ZNF787: variants seen among roughly 807,000 people sequenced by gnomAD.
ZNF787 encodes the protein TTF-I-interacting peptide 20.
Under a neutral mutation model 16.9 loss-of-function variants are expected in ZNF787, and 7 were observed. That is an observed-to-expected ratio of 0.42 (90% confidence interval 0.24 to 0.78). The LOEUF (loss-of-function observed/expected upper bound fraction) is 0.78, where lower values mean the gene tolerates loss of function less well. ZNF787 is among the 30% of genes least tolerant of loss of function. The pLI, the probability that ZNF787 is intolerant of heterozygous loss-of-function variation, is 0.30. For synonymous variants in ZNF787, 345 were observed against 270.9 expected, an observed-to-expected ratio of 1.27 and a Z score of -2.69; for missense variants, 551 against 589.3, an observed-to-expected ratio of 0.94 and a Z score of 0.67.
In ZNF787 at chr19:56,088,119, T is replaced by A. The variant is rs1348571308; in HGVS notation, c.1053A>T (p.Gly351=). The A allele has an allele frequency of 1.3e-6, 2 of 1,543,094 alleles. No individual in the cohort carries two copies. The highest frequency in any genetic ancestry group is 3.7e-5 in the Admixed American group (2 of 53,814). The change falls in exon 3 of 3, where the codon GGA becomes GGT. Residue 351 remains glycine, a synonymous_variant. Transcript: ENST00000610935. The surrounding 1 kb of genome is among the most constrained non-coding windows in gnomAD (Gnocchi z 8.6). ...VGAPSVCSSC[G]QSYYRAGGEE... ...CCCCGCCCGCGCGGTAGTAGCTCTG[T>A]CCGCAGCTGCTGCAGACCGAGGGCG...
At chr19:56,098,423 A>G (rs582271) in intron 2 of ZNF787, among the ~76,000 whole-genome samples, 141,650 of 151,950 alleles carry the variant, frequency 0.93, 66,636 homozygotes, top group Non-Finnish European at 0.99. Context: ...GGGTGATGCC[A>G]CCCAGGTAAT....
chr19:56,100,932 G>A (rs1395816040), intron 2 of ZNF787, among the ~76,000 whole-genome samples: 3 of 48,802 alleles, frequency 6.1e-5, no homozygotes, highest in South Asian at 1.6e-3. Flanking sequence ...CCACCCCCAC[G>A]AACGATGTCT....
At chr19:56,102,979 A>G in intron 2 of ZNF787, 160 bp downstream of exon 2, 1 of 753,282 alleles carries the variant, frequency 1.3e-6, no homozygotes, top group Non-Finnish European at 2.3e-6. Context: ...TACAGCCAGG[A>G]GTGCAAGGCC....
At chr19:56,104,684 G>A (rs906786369) in intron 1 of ZNF787, among the ~76,000 whole-genome samples, 3 of 151,978 alleles carry the variant, frequency 2.0e-5, no homozygotes, top group African/African-American at 7.2e-5. Context: ...AAGTCTCTAC[G>A]CACACCAACA....
Position 56,113,706 on chromosome 19 carries a change from C to G in ZNF787, c.-11+7466G>C, listed in dbSNP as rs11879543. On this transcript the variant is annotated intron_variant, in intron 1 of 2. Transcript: ENST00000610935. The stretch of plus-strand genomic sequence containing the variant: ...ACCGGGACGCAGGGAGGCAGGGAGG[C>G]AGGGAGGGAGGGACTGCTGAAGATG... Among the ~76,000 whole-genome samples, 414 of 101,038 alleles carry G rather than the reference C, an allele frequency of 4.1e-3. 1 individual carries two copies. Among genetic ancestry groups the G allele is most frequent in the African/African-American group, 0.012 (355 of 29,344 alleles). The allele number at this position is 101,038 out of a possible 152,430, so 66.3% of individuals were successfully genotyped here. A position where few individuals can be genotyped will look rare whatever the true frequency, so the allele number is the denominator to read the frequency against.
intron 1 of ZNF787, among the ~76,000 whole-genome samples, chr19:56,105,927 C>T (rs1376827522): frequency 6.8e-6 from 1 of 147,342 alleles, no homozygotes; most frequent in East Asian, 2.0e-4. Flanking sequence ...GCCCTCCGCG[C>T]CCACGGCAGT....
At chr19:56,093,744 G>A (rs1043097092) in intron 2 of ZNF787, among the ~76,000 whole-genome samples, 4 of 152,168 alleles carry the variant, frequency 2.6e-5, no homozygotes, top group African/African-American at 9.7e-5. Flanking sequence ...GGCATAAAGT[G>A]CTAAGTCCGA....
intron 1 of ZNF787, among the ~76,000 whole-genome samples, chr19:56,106,571 C>T (rs1207941280): frequency 2.6e-5 from 4 of 152,248 alleles, no homozygotes; most frequent in African/African-American, 9.6e-5. Context: ...ATGCTCCGGC[C>T]GTCTGGCCCC....
At chr19:56,114,385 G>A (rs1374958640) in intron 1 of ZNF787, among the ~76,000 whole-genome samples, 1 of 126,464 alleles carries the variant, frequency 7.9e-6, no homozygotes, top group African/African-American at 3.4e-5. Flanking sequence ...CTCTCTGAGG[G>A]GCCGGGCTCA....
intron 2 of ZNF787, among the ~76,000 whole-genome samples, chr19:56,090,474 A>G (rs1434655022): frequency 6.6e-6 from 1 of 152,160 alleles, no homozygotes; most frequent in Non-Finnish European, 1.5e-5. Flanking sequence ...GGAGTGCTCC[A>G]CAAAGTGGGA....
At chr19:56,120,307 G>A (rs2030251588) in intron 1 of ZNF787, among the ~76,000 whole-genome samples, 1 of 152,190 alleles carries the variant, frequency 6.6e-6, no homozygotes, top group African/African-American at 2.4e-5. Flanking sequence ...CACATGAATT[G>A]GGGTCAGCTC....
At chr19:56,101,680 G>A (rs1295353123) in intron 2 of ZNF787, 1 of 152,072 alleles carries the variant, frequency 6.6e-6, no homozygotes, top group Non-Finnish European at 1.5e-5. Flanking sequence ...AGAATTTACA[G>A]ACAAAATGAT....
At chr19:56,100,823 C>T (rs1331121248) in intron 2 of ZNF787, among the ~76,000 whole-genome samples, 1 of 150,374 alleles carries the variant, frequency 6.7e-6, no homozygotes, top group Non-Finnish European at 1.5e-5. Flanking sequence ...GGCCAACCCC[C>T]GCCACTCCAC....
chr19:56,103,732 C>A (rs1325846769), intron 1 of ZNF787, among the ~76,000 whole-genome samples: 1 of 152,218 alleles, frequency 6.6e-6, no homozygotes, highest in African/African-American at 2.4e-5. Flanking sequence ...ACACTCCCAA[C>A]CCGTGCCACA....
At position 56,087,425 on chromosome 19, in the gene ZNF787, G is replaced by C. The variant is rs1424064315; in HGVS notation, c.*598C>G. On this transcript the variant is annotated 3_prime_UTR_variant, in exon 3 of 3. Coordinates refer to ENST00000610935, the MANE Select transcript of ZNF787 (RefSeq NM_001002836.4). ...CCCTTCCTCCACCACGCCCAGGCCTGGGACAAACGGGCACCCGCCTCCTGC... is the reference window on the plus strand; with the variant it reads ...CCCTTCCTCCACCACGCCCAGGCCTCGGACAAACGGGCACCCGCCTCCTGC... 1 of 152,334 alleles carries C rather than the reference G, an allele frequency of 6.6e-6. No individual in the cohort carries two copies. Among genetic ancestry groups the C allele is most frequent in the Non-Finnish European group, 1.5e-5 (1 of 68,166 alleles). 9.4% of individuals were successfully genotyped at this position (152,334 alleles called of 1,614,324 possible).
intron 1 of ZNF787, among the ~76,000 whole-genome samples, chr19:56,108,378 C>G (rs1439795757): frequency 2.1e-5 from 3 of 144,516 alleles, no homozygotes; most frequent in African/African-American, 2.8e-5. Flanking sequence ...CCCTGGCTCC[C>G]TCCACCCAAC....
At position 56,088,162 on chromosome 19, in the gene ZNF787, T is replaced by A. The variant is rs1311512040; in HGVS notation, c.1010A>T (p.Lys337Met). 8 of 1,552,366 alleles carry A rather than the reference T, an allele frequency of 5.2e-6. No individual in the cohort carries two copies. Among genetic ancestry groups the A allele is most frequent in the Non-Finnish European group, 6.9e-6 (8 of 1,154,640 alleles). Residue 337 changes from lysine to methionine, a missense_variant, in exon 3 of 3, where the codon AAG (lysine) becomes ATG (methionine). Physicochemically the swap from Lys to Met is moderately conservative, Grantham distance 95. This residue lies in a region of ZNF787 where 392 missense variants were observed against 312.7 expected (regional missense o/e 1.25). Coordinates refer to ENST00000610935, the MANE Select transcript of ZNF787 (RefSeq NM_001002836.4). The surrounding 1 kb of genome is among the most constrained non-coding windows in gnomAD (Gnocchi z 8.6). ...VQGAALRRHK[K>M]IHAVGAPSVC... ...CGAGGGCGCGCCCACCGCGTGGATC[T>A]TCTTGTGTCTCCGGAGCGCGGCGCC...
In ZNF787 at chr19:56,087,752, C is replaced by T. The variant is rs1472401695; in HGVS notation, c.*271G>A. ...TGGTCGCCACTCGGCCTCTGCAGTT[C>T]TCTCCATTGTCTCTCCGGCTCGCAG... On this transcript the variant is annotated 3_prime_UTR_variant, in exon 3 of 3. Coordinates refer to ENST00000610935, the MANE Select transcript of ZNF787 (RefSeq NM_001002836.4). 8.1e-6 allele frequency: 3 copies of T among 369,504 alleles called. No homozygotes were observed. The highest frequency in any genetic ancestry group is 1.2e-4 in the East Asian group (2 of 16,382). 22.9% of individuals were successfully genotyped at this position (369,504 alleles called of 1,614,324 possible).
chr19:56,103,887 C>T (rs900805644), intron 1 of ZNF787, among the ~76,000 whole-genome samples: 1 of 48,610 alleles, frequency 2.1e-5, no homozygotes, highest in South Asian at 8.9e-4. Context: ...CCGGGAGGGT[C>T]CCTACGCACG....
Sources: gnomAD v4.1 joint callset for allele counts (sites outside exome capture counted in the v4.1 genomes callset) on GRCh38, gnomAD v4.1.1 for gene constraint, gnomAD v4.1.1 regional missense constraint, Gnocchi (gnomAD v3.1) non-coding constraint, MANE v1.5 for transcripts, NCBI Gene and HGNC (gene_info 2026-07-23, HGNC 2026-07-21) for gene names.